Variants in CADPS observed in about 807,000 individuals in gnomAD.
The protein encoded by CADPS is calcium-dependent secretion activator 1.
In CADPS, 57 loss-of-function variants were observed where a neutral mutation model predicts 167.3. That is an observed-to-expected ratio of 0.34 (90% confidence interval 0.28 to 0.42). CADPS has a LOEUF of 0.42. Ranked by LOEUF, CADPS falls within the 20% of genes least tolerant of loss-of-function variation. CADPS has a pLI of 1.00. For missense variants in CADPS, 1,414 were observed against 1,738.1 expected (o/e 0.81, Z 3.32); for synonymous variants, 676 against 635.3 (o/e 1.06, Z -0.96).
intron 24 of CADPS, among the ~76,000 whole-genome samples, chr3:62,470,293 A>C (rs1337210699): frequency 6.6e-6 from 1 of 152,286 alleles, no homozygotes; most frequent in African/African-American, 2.4e-5. Context: ...GGGAGTTGGG[A>C]CCCAGGTGGA....
Position 62,650,833 on chromosome 3 carries a change from T to C in CADPS, c.1203+14A>G, listed in dbSNP as rs774083747. The C allele has an allele frequency of 8.1e-6, 13 of 1,606,492 alleles. No homozygotes were observed. The Admixed American group carries it at 2.2e-4, about 27-fold the overall frequency. On this transcript the variant is annotated intron_variant, in intron 5 of 29. Transcript: ENST00000383710. ...GCTGTGCCAAGAAACTTTCAAGGGC[T>C]CAGGGCTTTTTACCTCCAATGAGAA...
rs1371076465 is a variant in CADPS at position 62,399,833 on chromosome 3, C to A, written c.3883-248G>T. 6.6e-6 allele frequency among the ~76,000 whole-genome samples: 1 copy of A among 152,138 alleles called. No homozygotes were observed. Among genetic ancestry groups the A allele is most frequent in the African/African-American group, 2.4e-5 (1 of 41,438 alleles). On this transcript the variant is annotated intron_variant, in intron 29 of 29. Transcript: ENST00000383710. The surrounding 1 kb of genome is among the most constrained non-coding windows in gnomAD (Gnocchi z 5.6). Reference sequence around the variant, plus strand: ...GATGAGACAAAGCAAAGAACATAAGCTTGTGTTTATTCAGTTCCATAAAGG... The same window carrying A: ...GATGAGACAAAGCAAAGAACATAAGATTGTGTTTATTCAGTTCCATAAAGG...
intron 1 of CADPS, among the ~76,000 whole-genome samples, chr3:62,850,805 C>G (rs903726224): frequency 1.4e-4 from 21 of 150,904 alleles, no homozygotes; most frequent in African/African-American, 4.9e-4. Flanking sequence ...TGGTGCAGAG[C>G]TGAGTTCAAT....
chr3:62,696,935 G>C (rs1264346040), intron 3 of CADPS, among the ~76,000 whole-genome samples: 2 of 151,986 alleles, frequency 1.3e-5, no homozygotes, highest in Non-Finnish European at 2.9e-5. Context: ...CATATGTACA[G>C]TACCCTAATA....
At chr3:62,835,266 G>T (rs73844614) in intron 1 of CADPS, among the ~76,000 whole-genome samples, 4,563 of 152,170 alleles carry the variant, frequency 0.03, 81 homozygotes, top group South Asian at 0.054. Flanking sequence ...AACTGATATT[G>T]CAGGCTACCT....
intron 9 of CADPS, among the ~76,000 whole-genome samples, chr3:62,563,375 A>G (rs1293105012): frequency 1.3e-5 from 2 of 152,144 alleles, no homozygotes; most frequent in Non-Finnish European, 2.9e-5. Context: ...GGCATTATAT[A>G]TTATCTAACA....
chr3:62,443,722 T>C (rs1454893632), intron 27 of CADPS, among the ~76,000 whole-genome samples: 1 of 152,148 alleles, frequency 6.6e-6, no homozygotes, highest in African/African-American at 2.4e-5. Context: ...ATTGTAAGTT[T>C]CCTGAGGCCT....
chr3:62,435,583 C>G (rs1174050083), intron 28 of CADPS, among the ~76,000 whole-genome samples: 1 of 152,076 alleles, frequency 6.6e-6, no homozygotes, highest in African/African-American at 2.4e-5. Context: ...CACCAATATT[C>G]TGTAAAGTAG....
chr3:62,430,207 T>C (rs996170504), intron 28 of CADPS, among the ~76,000 whole-genome samples: 1 of 152,176 alleles, frequency 6.6e-6, no homozygotes, highest in African/African-American at 2.4e-5. Flanking sequence ...TACCCAGGCA[T>C]GGAGTGAAGC....
chr3:62,505,021 T>A (rs528041548), intron 17 of CADPS, among the ~76,000 whole-genome samples: 48 of 152,284 alleles, frequency 3.2e-4, no homozygotes, highest in African/African-American at 1.1e-3. Context: ...CTAGTATTTG[T>A]ATTATGCAAT....
chr3:62,626,836 C>T (rs1244360148), intron 6 of CADPS, among the ~76,000 whole-genome samples: 1 of 152,028 alleles, frequency 6.6e-6, no homozygotes, highest in Admixed American at 6.6e-5. Context: ...ATAATAGTAT[C>T]AATGATATGC....
intron 27 of CADPS, chr3:62,440,664 C>T (rs923916891): frequency 2.2e-4 from 33 of 152,270 alleles, no homozygotes; most frequent in African/African-American, 7.9e-4. Flanking sequence ...CCTCAAGCTC[C>T]CACTCCCAAC....
At position 62,747,874 on chromosome 3, in the gene CADPS, A is replaced by G. The variant is rs555146034; in HGVS notation, c.888+5567T>C. Among the ~76,000 whole-genome samples the G allele has an allele frequency of 2.6e-5, 4 of 152,218 alleles. No individual in the cohort carries two copies. In the East Asian group the frequency reaches 7.8e-4, roughly 30 times the overall value. The stretch of plus-strand genomic sequence containing the variant: ...TCATGCTGCACTTAGTTTAGAAGGG[A>G]AGAGTGTGATCAGTAAGAGAAAAAC... On this transcript the variant is annotated intron_variant, in intron 3 of 29. Coordinates refer to ENST00000383710, the MANE Select transcript of CADPS (RefSeq NM_003716.4).
At chr3:62,710,191 C>T (rs1010437245) in intron 3 of CADPS, among the ~76,000 whole-genome samples, 5 of 151,714 alleles carry the variant, frequency 3.3e-5, no homozygotes, top group African/African-American at 7.3e-5. Context: ...CTGAAATCTC[C>T]GTGAACTTGT....
At chr3:62,644,317 T>C (rs1461865215) in intron 6 of CADPS, among the ~76,000 whole-genome samples, 2 of 152,020 alleles carry the variant, frequency 1.3e-5, no homozygotes, top group Non-Finnish European at 2.9e-5. Flanking sequence ...TGGGCTTAAC[T>C]GAGATAGAAA....
At chr3:62,790,836 C>T (rs2092868805) in intron 1 of CADPS, among the ~76,000 whole-genome samples, 1 of 152,052 alleles carries the variant, frequency 6.6e-6, no homozygotes, top group Non-Finnish European at 1.5e-5. Context: ...TCAAAGGGAC[C>T]AGAGAGTGTC....
chr3:62,872,556 GTCTC>G (rs1200573107), intron 1 of CADPS, among the ~76,000 whole-genome samples: 1 of 152,178 alleles, frequency 6.6e-6, no homozygotes, highest in Non-Finnish European at 1.5e-5. Flanking sequence ...CTGTCCTGGA[GTCTC>G]TCTGAGGTTA....
At chr3:62,564,897 G>C (rs2079860629) in intron 9 of CADPS, among the ~76,000 whole-genome samples, 1 of 152,104 alleles carries the variant, frequency 6.6e-6, no homozygotes, top group South Asian at 2.1e-4. Flanking sequence ...GAGCCACCAT[G>C]TCTGGGCACC....
Position 62,445,751 on chromosome 3 carries a change from T to C in CADPS, c.3669+14A>G. 1.3e-6 allele frequency: 2 copies of C among 1,502,884 alleles called. No homozygotes were observed. The highest frequency in any genetic ancestry group is 1.8e-6 in the Non-Finnish European group (2 of 1,124,900). The allele number at this position is 1,502,884 out of a possible 1,614,324, so 93.1% of individuals were successfully genotyped here. ...ACAAAAAAACCCCATGAGAAACAAT[T>C]TTCAAATACTCACAGGTACATCCAC... On this transcript the variant is annotated intron_variant, in intron 27 of 29. Coordinates refer to ENST00000383710, the MANE Select transcript of CADPS (RefSeq NM_003716.4).
Sources: gnomAD v4.1 joint callset for allele counts (sites outside exome capture counted in the v4.1 genomes callset) on GRCh38, gnomAD v4.1.1 for gene constraint, Gnocchi (gnomAD v3.1) non-coding constraint, MANE v1.5 for transcripts, NCBI Gene and HGNC (gene_info 2026-07-23, HGNC 2026-07-21) for gene names.